Variants in LCLAT1 observed in about 807,000 individuals in gnomAD.
The protein encoded by LCLAT1 is lysocardiolipin acyltransferase 1, also known as 1-AGP acyltransferase 8.
In LCLAT1, 11 loss-of-function variants were observed where a neutral mutation model predicts 30.7. That is an observed-to-expected ratio of 0.36 (90% confidence interval 0.23 to 0.59). The LOEUF (loss-of-function observed/expected upper bound fraction) is 0.59, where lower values mean the gene tolerates loss of function less well. Among genes scored for constraint, LCLAT1 ranks in the 20% least tolerant of loss-of-function variants. The probability of loss-of-function intolerance (pLI) is 0.77; values close to 1 mark genes in which losing one functional copy is unlikely to be tolerated. For synonymous variants in LCLAT1, 155 were observed against 151.3 expected, an observed-to-expected ratio of 1.02 and a Z score of -0.18; for missense variants, 402 against 458.6, an observed-to-expected ratio of 0.88 and a Z score of 1.13.
At chr2:30,473,365 T>C (rs1401457609) in intron 1 of LCLAT1, among the ~76,000 whole-genome samples, 1 of 152,162 alleles carries the variant, frequency 6.6e-6, no homozygotes, top group African/African-American at 2.4e-5. Flanking sequence ...TTTAAGTTAG[T>C]GTCCTTGGGA....
chr2:30,498,747 A>G (rs1684231861), intron 1 of LCLAT1, among the ~76,000 whole-genome samples: 1 of 152,170 alleles, frequency 6.6e-6, no homozygotes. Context: ...TGAGGATTGG[A>G]ATATTGTTTG....
chr2:30,586,262 A>ATT (rs1558537135), intron 5 of LCLAT1, among the ~76,000 whole-genome samples: 1 of 148,962 alleles, frequency 6.7e-6, no homozygotes, highest in Non-Finnish European at 1.5e-5. Context: ...AAAAAAAAAA[A>ATT]CCCAGTAGGA....
chr2:30,513,969 G>A (rs1471229308), intron 1 of LCLAT1, among the ~76,000 whole-genome samples: 2 of 152,222 alleles, frequency 1.3e-5, no homozygotes, highest in African/African-American at 4.8e-5. Flanking sequence ...TCCTGAGGCT[G>A]TGTCACGGGT....
chr2:30,519,721 G>T (rs1351410844), intron 1 of LCLAT1, among the ~76,000 whole-genome samples: 1 of 152,196 alleles, frequency 6.6e-6, no homozygotes, highest in East Asian at 1.9e-4. Flanking sequence ...GGGAGGGACA[G>T]TGATCAGGAT....
rs550016880 is a variant in LCLAT1, at chr2:30,556,880, G to A, written c.365-5266G>A. ...CTGCCTCAGCCTCCCAAATAGTTGGGATTACAGGCGTGCCCCACCACGCCC... is the reference window on the plus strand; with the variant it reads ...CTGCCTCAGCCTCCCAAATAGTTGGAATTACAGGCGTGCCCCACCACGCCC... On this transcript the variant is annotated intron_variant, in intron 3 of 5. Transcript: ENST00000379509. Among the ~76,000 whole-genome samples the A allele has an allele frequency of 4.0e-3, 603 of 152,008 alleles. 3 individuals carry two copies. Among genetic ancestry groups the A allele is most frequent in the African/African-American group, 0.013 (558 of 41,468 alleles).
At chr2:30,630,852 C>T (rs1301472592) in intron 5 of LCLAT1, among the ~76,000 whole-genome samples, 1 of 152,128 alleles carries the variant, frequency 6.6e-6, no homozygotes, top group Admixed American at 6.5e-5. Flanking sequence ...AGAAATGCTT[C>T]CTTAGGGTCC....
intron 5 of LCLAT1, among the ~76,000 whole-genome samples, chr2:30,617,891 T>G (rs1165464759): frequency 6.6e-6 from 1 of 152,166 alleles, no homozygotes; most frequent in Non-Finnish European, 1.5e-5. Flanking sequence ...TAGATACAAG[T>G]TATTTATAAT....
At chr2:30,616,402 G>T (rs932280405) in intron 5 of LCLAT1, among the ~76,000 whole-genome samples, 1 of 152,134 alleles carries the variant, frequency 6.6e-6, no homozygotes, top group Non-Finnish European at 1.5e-5. Context: ...AAGAGTGTGT[G>T]TATGTGTTTG....
intron 1 of LCLAT1, among the ~76,000 whole-genome samples, chr2:30,505,671 G>C (rs1684623247): frequency 6.6e-6 from 1 of 152,000 alleles, no homozygotes; most frequent in African/African-American, 2.4e-5. Context: ...AAGCTCCCTG[G>C]TGCTTTCAGT....
chr2:30,569,995 T>G (rs1665709632), intron 5 of LCLAT1, among the ~76,000 whole-genome samples: 2 of 152,116 alleles, frequency 1.3e-5, no homozygotes, highest in South Asian at 4.2e-4. Context: ...TACCATTTAC[T>G]ATGGCATGTA....
At chr2:30,520,255 G>T (rs1685412840) in intron 1 of LCLAT1, among the ~76,000 whole-genome samples, 1 of 152,132 alleles carries the variant, frequency 6.6e-6, no homozygotes, top group African/African-American at 2.4e-5. Flanking sequence ...ACAAACACCT[G>T]CCAGTAACAG....
intron 3 of LCLAT1, among the ~76,000 whole-genome samples, chr2:30,540,632 T>C (rs1409652694): frequency 6.6e-6 from 1 of 152,038 alleles, no homozygotes; most frequent in Non-Finnish European, 1.5e-5. Context: ...GATATTTCAA[T>C]GTAGGTTTAT....
chr2:30,453,187 A>G (rs920710140), intron 1 of LCLAT1, among the ~76,000 whole-genome samples: 1 of 152,186 alleles, frequency 6.6e-6, no homozygotes, highest in South Asian at 2.1e-4. Flanking sequence ...GGGGGATAGC[A>G]TGTTGTTGAG....
chr2:30,534,231 G>C (rs1436197669), intron 3 of LCLAT1, among the ~76,000 whole-genome samples: 14 of 64,936 alleles, frequency 2.2e-4, no homozygotes, highest in Admixed American at 1.2e-3. Flanking sequence ...GTGTGTGTGT[G>C]TGTGTGTGTG....
At chr2:30,463,942 C>T (rs1682295616) in intron 1 of LCLAT1, among the ~76,000 whole-genome samples, 1 of 152,154 alleles carries the variant, frequency 6.6e-6, no homozygotes, top group Admixed American at 6.5e-5. Context: ...GCATTTTTAT[C>T]TTTTCTTACT....
At chr2:30,569,005 T>A (rs2148451241) in intron 5 of LCLAT1, among the ~76,000 whole-genome samples, 1 of 152,320 alleles carries the variant, frequency 6.6e-6, no homozygotes, top group South Asian at 2.1e-4. Context: ...ATAATTTTAC[T>A]TTAATTATTT....
intron 5 of LCLAT1, chr2:30,606,331 C>T (rs1239870391): frequency 3.6e-6 from 1 of 281,600 alleles, no homozygotes; most frequent in Non-Finnish European, 6.8e-6. Flanking sequence ...TACCTGACTT[C>T]AAACTATACT....
At chr2:30,560,572 A>G (rs1572626846) in intron 3 of LCLAT1, among the ~76,000 whole-genome samples, 1 of 152,120 alleles carries the variant, frequency 6.6e-6, no homozygotes, top group Non-Finnish European at 1.5e-5. Context: ...TGCTGACCTC[A>G]GGTGATCCAT....
At chr2:30,551,041 C>A (rs767894394) in intron 3 of LCLAT1, among the ~76,000 whole-genome samples, 1 of 152,054 alleles carries the variant, frequency 6.6e-6, no homozygotes, top group Non-Finnish European at 1.5e-5. Context: ...TGCGGTGGTG[C>A]GTTCACAGCT....
Sources: gnomAD v4.1 joint callset for allele counts (sites outside exome capture counted in the v4.1 genomes callset) on GRCh38, gnomAD v4.1.1 for gene constraint, MANE v1.5 for transcripts, NCBI Gene and HGNC (gene_info 2026-07-23, HGNC 2026-07-21) for gene names.